The following DGKH variants were observed in gnomAD, a reference collection of about 807,000 sequenced individuals.
The protein encoded by DGKH is diacylglycerol kinase eta.
Under a neutral mutation model 159.3 loss-of-function variants are expected in DGKH, and 90 were observed. The observed-to-expected ratio is 0.57, with a 90% confidence interval of 0.48 to 0.67. The LOEUF (loss-of-function observed/expected upper bound fraction) is 0.67, where lower values mean the gene tolerates loss of function less well. Among genes scored for constraint, DGKH ranks in the 30% least tolerant of loss-of-function variants. DGKH has a pLI of 0.00. For synonymous variants in DGKH, 536 were observed against 553.8 expected (o/e 0.97, Z 0.45); for missense variants, 1,181 against 1,506.1 (o/e 0.78, Z 3.57).
intron 29 of DGKH, among the ~76,000 whole-genome samples, chr13:42,228,049 G>A (rs1958178658): frequency 6.6e-6 from 1 of 152,010 alleles, no homozygotes; most frequent in Admixed American, 6.6e-5. Context: ...AACTGACTAT[G>A]CCTTTTACTT....
chr13:42,079,195 C>T (rs921194357), intron 1 of DGKH, among the ~76,000 whole-genome samples: 8 of 151,940 alleles, frequency 5.3e-5, no homozygotes, highest in South Asian at 2.1e-4. Flanking sequence ...GGATTACAGG[C>T]GTGAGCCACC....
chr13:42,105,473 A>G (rs1490915839), intron 1 of DGKH, among the ~76,000 whole-genome samples: 3 of 152,144 alleles, frequency 2.0e-5, no homozygotes, highest in Non-Finnish European at 4.4e-5. Flanking sequence ...CATAGCAGTG[A>G]CCTAAAATTG....
chr13:42,190,292 A>G, intron 15 of DGKH, 111 bp from the exon 16 acceptor site: 1 of 1,315,408 alleles, frequency 7.6e-7, no homozygotes, highest in Non-Finnish European at 1.0e-6. Flanking sequence ...TTATTTGTGA[A>G]TCTGGAATTT....
intron 24 of DGKH, among the ~76,000 whole-genome samples, chr13:42,212,904 G>A (rs347413): frequency 0.21 from 32,160 of 152,026 alleles, 4,308 homozygotes; most frequent in East Asian, 0.41. Context: ...CGAGTCTTGA[G>A]GGAAGAGTGA....
rs1957463260 is a variant in DGKH, at chr13:42,206,043, A to ATTTTTTTTTT, written c.2499_2500insTTTTTTTTTT (p.Gly834PhefsTer28). ...TTTTTTTTTTTTACCTTACAGTGTGATGGGCAGTATATTCCTCTTCCCAGC... is the reference window on the plus strand; with the variant it reads ...TTTTTTTTTTTTACCTTACAGTGTGATTTTTTTTTTTGGGCAGTATATTCCTCTTCCCAGC... On this transcript the variant is annotated frameshift_variant, in exon 21 of 30. Transcript: ENST00000337343. LOFTEE classifies it high-confidence loss of function. 1 of 1,304,410 alleles carries ATTTTTTTTTT rather than the reference A, an allele frequency of 7.7e-7. No homozygotes were observed. 80.8% of individuals were successfully genotyped at this position (1,304,410 alleles called of 1,614,324 possible).
At chr13:42,110,314 G>C (rs1487672980) in intron 1 of DGKH, among the ~76,000 whole-genome samples, 1 of 152,090 alleles carries the variant, frequency 6.6e-6, no homozygotes, top group South Asian at 2.1e-4. Context: ...CCAGGATAGG[G>C]GACATTGTAA....
intron 1 of DGKH, among the ~76,000 whole-genome samples, chr13:42,114,187 C>T (rs966109482): frequency 2.3e-4 from 35 of 151,872 alleles, no homozygotes; most frequent in African/African-American, 8.5e-4. Flanking sequence ...GAAAAAAGTC[C>T]AGAATAGACA....
At chr13:42,123,545 G>GAA (rs5803113) in intron 1 of DGKH, among the ~76,000 whole-genome samples, 11 of 151,140 alleles carry the variant, frequency 7.3e-5, no homozygotes, top group South Asian at 2.1e-4. Context: ...TAATACAATG[G>GAA]AAAAAAAAAG....
chr13:42,122,315 A>G (rs1242255071), intron 1 of DGKH, among the ~76,000 whole-genome samples: 1 of 152,160 alleles, frequency 6.6e-6, no homozygotes, highest in African/African-American at 2.4e-5. Flanking sequence ...TAAGGAAAAT[A>G]AATTTATTTG....
chr13:42,155,935 A>G, intron 5 of DGKH, 136 bp downstream of exon 5: 5 of 1,029,116 alleles, frequency 4.9e-6, no homozygotes, highest in Non-Finnish European at 5.4e-6. Context: ...CTCAGGAAAA[A>G]AAAACATAGT....
At position 42,160,129 on chromosome 13, in the gene DGKH, A is replaced by G. The variant is rs138595528; in HGVS notation, c.848A>G (p.Lys283Arg). 1 of 1,614,240 alleles carries G rather than the reference A, an allele frequency of 6.2e-7. No homozygotes were observed. The highest frequency in any genetic ancestry group is 8.5e-7 in the Non-Finnish European group (1 of 1,180,040). ...CAGGATTGGAAATGCCTTTGGTGTA[A>G]GACAATGGTGAGGGTTTTGGAATCA... is the stretch of plus-strand genomic sequence containing the variant. ...RLQDWKCLWC[K>R]TMVHTACKDL... The change falls in exon 7 of 30, where the codon AAG (lysine) becomes AGG (arginine). Residue 283 changes from lysine to arginine, a missense_variant. This residue lies in a region of DGKH where 369 missense variants were observed against 519.4 expected (regional missense o/e 0.71). Coordinates refer to ENST00000337343, the MANE Select transcript of DGKH (RefSeq NM_178009.5).
chr13:42,136,374 A>G (rs992266168), intron 3 of DGKH, among the ~76,000 whole-genome samples: 2 of 152,206 alleles, frequency 1.3e-5, no homozygotes, highest in African/African-American at 2.4e-5. Flanking sequence ...TAATAAATGA[A>G]ATTATAATCT....
rs1298545546 is a variant in DGKH, at chr13:42,101,998, T to G, written c.193-25465T>G. 2.6e-5 allele frequency among the ~76,000 whole-genome samples: 4 copies of G among 152,088 alleles called. No individual in the cohort carries two copies. In the East Asian group the frequency reaches 7.7e-4, roughly 29 times the overall value. ...CCCCAAAACATTACCAAGAAAACAA[T>G]AAGTGGCAATGAAATCACATTCCTT... On this transcript the variant is annotated intron_variant, in intron 1 of 29. Coordinates refer to ENST00000337343, the MANE Select transcript of DGKH (RefSeq NM_178009.5).
rs544712613 is a variant in DGKH at position 42,241,332 on chromosome 13, A to T, written c.*12144A>T. ...GTATTAGGAGGACTTTTATAAACCG[A>T]GTGTTTTTCAGGTTACTTCAGAGAG... On this transcript the variant is annotated 3_prime_UTR_variant, in exon 30 of 30. Coordinates refer to ENST00000337343, the MANE Select transcript of DGKH (RefSeq NM_178009.5). 6.6e-6 allele frequency: 1 copy of T among 152,260 alleles called. No homozygotes were observed. Among genetic ancestry groups the T allele is most frequent in the East Asian group, 1.9e-4 (1 of 5,192 alleles). 9.4% of individuals were successfully genotyped at this position (152,260 alleles called of 1,614,324 possible).
intron 1 of DGKH, among the ~76,000 whole-genome samples, chr13:42,095,747 G>A (rs1954517605): frequency 1.3e-5 from 2 of 152,048 alleles, no homozygotes; most frequent in Non-Finnish European, 2.9e-5. Context: ...ATTTGATTTG[G>A]TACCTATGGA....
At chr13:42,131,984 T>A (rs539720156) in intron 3 of DGKH, among the ~76,000 whole-genome samples, 1 of 152,246 alleles carries the variant, frequency 6.6e-6, no homozygotes, top group African/African-American at 2.4e-5. Context: ...GAAGGTGGGG[T>A]AGGGTGAGAT....
At chr13:42,070,806 G>A in intron 1 of DGKH, 1 of 1,457,914 alleles carries the variant, frequency 6.9e-7, no homozygotes, top group African/African-American at 1.4e-5. Flanking sequence ...CCGTAAGAGA[G>A]CCCACATCAT....
rs534745421 is a variant in DGKH at position 42,097,164 on chromosome 13, G to A, written c.193-30299G>A. Among the ~76,000 whole-genome samples, 5 of 152,264 alleles carry A rather than the reference G, an allele frequency of 3.3e-5. No individual in the cohort carries two copies. The South Asian group carries it at 1.0e-3, about 32-fold the overall frequency. On this transcript the variant is annotated intron_variant, in intron 1 of 29. Transcript: ENST00000337343. ...GGGTTTATTTTCATCCATTGTGTGGGCTTTTTGTATTCCCTTTCAGTTTTC... is the reference window on the plus strand; with the variant it reads ...GGGTTTATTTTCATCCATTGTGTGGACTTTTTGTATTCCCTTTCAGTTTTC...
chr13:42,200,039 A>G (rs944476600), intron 20 of DGKH, 130 bp downstream of exon 20: 1 of 730,424 alleles, frequency 1.4e-6, no homozygotes, highest in Non-Finnish European at 2.1e-6. Flanking sequence ...AATGAATGTG[A>G]TTATCAACTT....
Sources: gnomAD v4.1 joint callset for allele counts (sites outside exome capture counted in the v4.1 genomes callset) on GRCh38, gnomAD v4.1.1 for gene constraint, gnomAD v4.1.1 regional missense constraint, MANE v1.5 for transcripts, NCBI Gene and HGNC (gene_info 2026-07-23, HGNC 2026-07-21) for gene names.